NPAT: variants seen among roughly 807,000 people sequenced by gnomAD.
NPAT encodes protein NPAT.
A neutral mutation model predicts 130.7 loss-of-function variants in NPAT; 52 were observed. The observed-to-expected ratio is 0.40, with a 90% confidence interval of 0.32 to 0.50. NPAT has a LOEUF of 0.50. Among genes scored for constraint, NPAT ranks in the 20% least tolerant of loss-of-function variants. The pLI, the probability that NPAT is intolerant of heterozygous loss-of-function variation, is 0.68. For synonymous variants in NPAT, 580 were observed against 584.8 expected (o/e 0.99, Z 0.12); for missense variants, 1,687 against 1,662.6 (o/e 1.01, Z -0.26).
At chr11:108,201,193 T>C (rs1591410961) in intron 1 of NPAT, among the ~76,000 whole-genome samples, 1 of 152,178 alleles carries the variant, frequency 6.6e-6, no homozygotes, top group Non-Finnish European at 1.5e-5. Context: ...CTAGGTCTAG[T>C]CTTGTCAGAG....
intron 1 of NPAT, among the ~76,000 whole-genome samples, chr11:108,209,973 A>G (rs1223671391): frequency 2.0e-5 from 3 of 151,882 alleles, no homozygotes; most frequent in African/African-American, 4.8e-5. Flanking sequence ...GAAGGAAATA[A>G]GCAGAGTATA....
chr11:108,212,280 T>A (rs1220667531), intron 1 of NPAT, among the ~76,000 whole-genome samples: 13 of 152,052 alleles, frequency 8.5e-5, no homozygotes, highest in Admixed American at 7.9e-4. Flanking sequence ...ATCCCAGCAC[T>A]TTGGGAGGCC....
chr11:108,192,996 AC>A (rs1254826487), intron 3 of NPAT, among the ~76,000 whole-genome samples: 5 of 152,166 alleles, frequency 3.3e-5, no homozygotes, highest in East Asian at 1.9e-4. Context: ...GAGAAAAAAA[AC>A]ATATGAAAGC....
Position 108,192,144 on chromosome 11 carries a change from T to C in NPAT, c.264A>G (p.Lys88=). 1.2e-6 allele frequency: 2 copies of C among 1,606,244 alleles called. No homozygotes were observed. Among genetic ancestry groups the C allele is most frequent in the South Asian group, 1.1e-5 (1 of 90,910 alleles). Reference sequence around the variant, plus strand: ...TGATCTGAGAAAGTGTATGGTCCAATTTCTTCCATAGAGATGACATTATTG... The same window carrying C: ...TGATCTGAGAAAGTGTATGGTCCAACTTCTTCCATAGAGATGACATTATTG... ...VPAIMSSLWK[K]LDHTLSQIRS... Residue 88 remains lysine (K), a synonymous_variant, in exon 4 of 18, where the codon AAA becomes AAG. Coordinates refer to ENST00000278612, the MANE Select transcript of NPAT (RefSeq NM_002519.3).
intron 3 of NPAT, 107 bp from the exon 4 acceptor site, chr11:108,192,297 T>C: frequency 2.6e-6 from 2 of 778,814 alleles, no homozygotes; most frequent in Non-Finnish European, 4.6e-6. Flanking sequence ...ATTGACAGTA[T>C]GTTGGAAAAT....
At chr11:108,194,921 T>C (rs191051800) in intron 2 of NPAT, among the ~76,000 whole-genome samples, 1 of 152,226 alleles carries the variant, frequency 6.6e-6, no homozygotes, top group Non-Finnish European at 1.5e-5. Context: ...TCTCCTGGGT[T>C]CAAGCGATTC....
chr11:108,162,911 G>A (rs2077866286), intron 15 of NPAT, among the ~76,000 whole-genome samples: 1 of 152,096 alleles, frequency 6.6e-6, no homozygotes, highest in Non-Finnish European at 1.5e-5. Flanking sequence ...ACATGCTCTG[G>A]AGTTCTAATA....
chr11:108,188,261 A>T, intron 6 of NPAT, 82 bp from the exon 7 acceptor site: 1 of 1,043,312 alleles, frequency 9.6e-7, no homozygotes, highest in Non-Finnish European at 1.5e-6. Context: ...AGCATTAGTG[A>T]TTATTATTTT....
chr11:108,194,131 G>A, intron 2 of NPAT, 114 bp from the exon 3 acceptor site: 1 of 659,318 alleles, frequency 1.5e-6, no homozygotes, highest in South Asian at 1.8e-5. Flanking sequence ...GAGTAGCGAT[G>A]AGGAAAGGGT....
rs1411940665 is a variant in NPAT at position 108,173,267 on chromosome 11, T to C, written c.1717A>G (p.Ser573Gly). 8 of 1,607,584 alleles carry C rather than the reference T, an allele frequency of 5.0e-6. No individual in the cohort carries two copies. Among genetic ancestry groups the C allele is most frequent in the Non-Finnish European group, 6.8e-6 (8 of 1,174,548 alleles). Residue 573 changes from serine (S) to glycine (G), a missense_variant, in exon 13 of 18, where the codon AGT becomes GGT. This residue lies in a region of NPAT where 1,379 missense variants were observed against 1,346.6 expected (regional missense o/e 1.02). Transcript: ENST00000278612. The stretch of plus-strand genomic sequence containing the variant: ...TCTATTTTACTCTTGTGAACTTCAC[T>C]AGAATCTGATGACTTGGAACCATGA... Reference protein sequence around the residue: ...NFHGSKSSDSSEVHKSKIEIN... With the variant: ...NFHGSKSSDSGEVHKSKIEIN...
At chr11:108,179,083 C>G (rs907868420) in intron 10 of NPAT, among the ~76,000 whole-genome samples, 6 of 151,986 alleles carry the variant, frequency 3.9e-5, no homozygotes, top group East Asian at 3.9e-4. Context: ...AAAATGTAGT[C>G]GAATGGTCTT....
At chr11:108,222,351 G>C in intron 1 of NPAT, 149 bp downstream of exon 1, 1 of 823,092 alleles carries the variant, frequency 1.2e-6, no homozygotes, top group Non-Finnish European at 2.1e-6. Context: ...CAGAACCTCC[G>C]AATGACGAAG....
rs1591403134 is a variant in NPAT, at chr11:108,190,468, C to G, written c.323G>C (p.Ser108Thr). Residue 108 changes from serine (S) to threonine (T), a missense_variant, in exon 5 of 18, where the codon AGT (serine) becomes ACT (threonine). Ser to Thr is a moderately conservative substitution (Grantham distance 58). Coordinates refer to ENST00000278612, the MANE Select transcript of NPAT (RefSeq NM_002519.3). ...SMQSSPRFAG[S>T]QRARTRTGIA... The stretch of plus-strand genomic sequence containing the variant: ...TAAAGTTGGATACCAACCTCTCTGA[C>G]TGCCAGCAAACCTTGGGGAACTTTG... The G allele has an allele frequency of 3.7e-6, 6 of 1,613,728 alleles. No homozygotes were observed. The East Asian group carries it at 1.3e-4, about 36-fold the overall frequency.
intron 1 of NPAT, among the ~76,000 whole-genome samples, chr11:108,217,162 T>G (rs569577426): frequency 6.6e-6 from 1 of 152,182 alleles, no homozygotes; most frequent in African/African-American, 2.4e-5. Context: ...TATTACAGTG[T>G]GAGCATGAGT....
chr11:108,190,659 C>G (rs1412456942), intron 4 of NPAT, among the ~76,000 whole-genome samples, 159 bp from the exon 5 acceptor site: 2 of 152,162 alleles, frequency 1.3e-5, no homozygotes, highest in Non-Finnish European at 2.9e-5. Context: ...GGGCAAGCAA[C>G]TGTGATTTGC....
At chr11:108,182,268 T>C (rs1011774542) in intron 10 of NPAT, among the ~76,000 whole-genome samples, 2 of 152,254 alleles carry the variant, frequency 1.3e-5, no homozygotes, top group Admixed American at 6.5e-5. Context: ...ACTCATAGAA[T>C]TGGTACTATT....
chr11:108,208,596 A>C (rs1278922299), intron 1 of NPAT: 2 of 348,758 alleles, frequency 5.7e-6, no homozygotes, highest in Non-Finnish European at 1.1e-5. Context: ...TTTAAAAAAA[A>C]AAAAAGAGAG....
chr11:108,200,616 C>A (rs1462040558), intron 1 of NPAT, among the ~76,000 whole-genome samples: 1 of 152,082 alleles, frequency 6.6e-6, no homozygotes, highest in Non-Finnish European at 1.5e-5. Context: ...AGACAATATC[C>A]CCTAAAACCA....
Position 108,170,052 on chromosome 11 carries a change from AC to A in NPAT, c.2786-10del. ...AATTATTATGGCAGATCCTAAAAAA[AC>A]AATTCTTGTTAAAAAAAGATTTTCT... On this transcript the variant is annotated splice_polypyrimidine_tract_variant and intron_variant, in intron 13 of 17. Coordinates refer to ENST00000278612, the MANE Select transcript of NPAT (RefSeq NM_002519.3). The A allele has an allele frequency of 6.4e-7, 1 of 1,562,220 alleles. No individual in the cohort carries two copies. Among genetic ancestry groups the A allele is most frequent in the Non-Finnish European group, 8.8e-7 (1 of 1,133,110 alleles).
Sources: gnomAD v4.1 joint callset for allele counts (sites outside exome capture counted in the v4.1 genomes callset) on GRCh38, gnomAD v4.1.1 for gene constraint, gnomAD v4.1.1 regional missense constraint, MANE v1.5 for transcripts, NCBI Gene and HGNC (gene_info 2026-07-23, HGNC 2026-07-21) for gene names.